The following MOB3B variants were observed in gnomAD, a reference collection of about 807,000 sequenced individuals.
MOB3B encodes MOB kinase activator-like 2B.
A neutral mutation model predicts 18.7 loss-of-function variants in MOB3B; 7 were observed. The ratio of observed to expected loss-of-function variants is 0.37; its 90% CI spans 0.21 to 0.70. MOB3B has a LOEUF of 0.70. MOB3B is among the 30% of genes least tolerant of loss of function. The probability of loss-of-function intolerance (pLI) is 0.52; values close to 1 mark genes in which losing one functional copy is unlikely to be tolerated. For missense variants in MOB3B, 253 were observed against 281.3 expected, an observed-to-expected ratio of 0.90 and a Z score of 0.72; for synonymous variants, 111 against 99.9, an observed-to-expected ratio of 1.11 and a Z score of -0.66.
chr9:27,458,575 G>A (rs2054411415), intron 1 of MOB3B, among the ~76,000 whole-genome samples: 2 of 128,842 alleles, frequency 1.6e-5, no homozygotes, highest in African/African-American at 5.6e-5. Flanking sequence ...CGAGGCTGCA[G>A]TGAGCCATGA....
intron 1 of MOB3B, among the ~76,000 whole-genome samples, chr9:27,511,803 A>G (rs1820150852): frequency 6.6e-6 from 1 of 151,204 alleles, no homozygotes; most frequent in African/African-American, 2.4e-5. Flanking sequence ...TGCCAGCCCA[A>G]CCCCCTGATC....
chr9:27,485,813 A>T (rs74664216), intron 1 of MOB3B, among the ~76,000 whole-genome samples: 99 of 152,370 alleles, frequency 6.5e-4, no homozygotes, highest in Middle Eastern at 3.4e-3. Context: ...TGGCAGAAAC[A>T]AAACACTATC....
At chr9:27,518,622 G>A (rs1170137408) in intron 1 of MOB3B, among the ~76,000 whole-genome samples, 1 of 151,962 alleles carries the variant, frequency 6.6e-6, no homozygotes, top group East Asian at 1.9e-4. Flanking sequence ...TTATTTCTGG[G>A]TGGGAAGTTA....
At chr9:27,331,761 C>T (rs187250579) in intron 3 of MOB3B, among the ~76,000 whole-genome samples, 44 of 152,316 alleles carry the variant, frequency 2.9e-4, no homozygotes, top group Admixed American at 2.4e-3. Flanking sequence ...GCAGAGCTGA[C>T]TGCAGCTACT....
intron 3 of MOB3B, among the ~76,000 whole-genome samples, chr9:27,336,301 G>C (rs1167633426): frequency 1.3e-5 from 2 of 151,162 alleles, no homozygotes; most frequent in African/African-American, 4.9e-5. Context: ...AAAGGAGTGA[G>C]TCTTTTTGTT....
At chr9:27,444,847 C>T (rs904795555) in intron 2 of MOB3B, among the ~76,000 whole-genome samples, 1 of 152,146 alleles carries the variant, frequency 6.6e-6, no homozygotes, top group Admixed American at 6.6e-5. Context: ...TAGCATATTG[C>T]TTGGCCCAGA....
intron 2 of MOB3B, among the ~76,000 whole-genome samples, chr9:27,435,097 C>T (rs967198214): frequency 2.0e-5 from 3 of 151,098 alleles, no homozygotes; most frequent in African/African-American, 7.3e-5. Flanking sequence ...CTCTCCCCAC[C>T]AGGGAGAAAG....
intron 1 of MOB3B, among the ~76,000 whole-genome samples, chr9:27,514,988 C>T (rs1024440334): frequency 6.6e-6 from 1 of 152,220 alleles, no homozygotes; most frequent in East Asian, 1.9e-4. Context: ...AACTCAGTAC[C>T]AAGAGAAGCT....
intron 1 of MOB3B, among the ~76,000 whole-genome samples, chr9:27,512,815 T>A (rs759243036): frequency 1.3e-5 from 2 of 152,246 alleles, no homozygotes; most frequent in African/African-American, 2.4e-5. Flanking sequence ...CCATTATGAT[T>A]TGACTGTAGT....
Position 27,343,478 on chromosome 9 carries a change from TAAAAAAAA to T in MOB3B, c.622-12870_622-12863del, listed in dbSNP as rs779124158. Among the ~76,000 whole-genome samples the T allele has an allele frequency of 8.3e-5, 7 of 84,318 alleles. No homozygotes were observed. In the East Asian group the frequency reaches 1.5e-3, roughly 18 times the overall value. The allele number at this position is 84,318 out of a possible 152,430, so 55.3% of individuals were successfully genotyped here. A position where few individuals can be genotyped will look rare whatever the true frequency, so the allele number is the denominator to read the frequency against. ...ACACCCAAGAATGCTCAATAAATAC[TAAAAAAAA>T]AAAAAAAAAAAAAAGAACTAAACCT... On this transcript the variant is annotated intron_variant, in intron 3 of 3. Coordinates refer to ENST00000262244, the MANE Select transcript of MOB3B (RefSeq NM_024761.5).
In MOB3B at chr9:27,427,530, G is replaced by A. The variant is rs576502062; in HGVS notation, c.418+27603C>T. On this transcript the variant is annotated intron_variant, in intron 2 of 3. Transcript: ENST00000262244. ...TCAGCCCAGGTAGTCATGCCTCTGG[G>A]ATAAGTAGGTACATAGAAGGCACTA... Among the ~76,000 whole-genome samples the A allele has an allele frequency of 8.1e-4, 124 of 152,312 alleles. 1 individual carries two copies. Among genetic ancestry groups the A allele is most frequent in the Middle Eastern group, 6.8e-3 (2 of 294 alleles).
intron 2 of MOB3B, among the ~76,000 whole-genome samples, chr9:27,370,247 G>A (rs1821396783): frequency 6.6e-6 from 1 of 152,060 alleles, no homozygotes; most frequent in Non-Finnish European, 1.5e-5. Flanking sequence ...GGTCGCTCAG[G>A]CCTGTAATCC....
At chr9:27,380,135 G>T (rs1178967194) in intron 2 of MOB3B, among the ~76,000 whole-genome samples, 1 of 152,122 alleles carries the variant, frequency 6.6e-6, no homozygotes, top group East Asian at 1.9e-4. Context: ...CCACCACGAG[G>T]TCTATGGGCC....
chr9:27,354,773 G>C (rs1469287188), intron 3 of MOB3B, among the ~76,000 whole-genome samples: 1 of 152,122 alleles, frequency 6.6e-6, no homozygotes, highest in African/African-American at 2.4e-5. Flanking sequence ...AATCCCATGG[G>C]AGTGACTGAT....
intron 1 of MOB3B, among the ~76,000 whole-genome samples, chr9:27,522,929 T>TATA (rs60042853): frequency 0.012 from 1,745 of 151,288 alleles, 40 homozygotes; most frequent in African/African-American, 0.04. Flanking sequence ...ATATATATAT[T>TATA]TTTTTCCGTA....
chr9:27,368,738 T>C (rs964821775), intron 2 of MOB3B, among the ~76,000 whole-genome samples: 1 of 152,178 alleles, frequency 6.6e-6, no homozygotes, highest in Non-Finnish European at 1.5e-5. Context: ...AACAGTGGTA[T>C]GTGATTATAT....
At chr9:27,481,451 G>T (rs560119966) in intron 1 of MOB3B, among the ~76,000 whole-genome samples, 10 of 151,860 alleles carry the variant, frequency 6.6e-5, no homozygotes, top group Middle Eastern at 6.8e-3. Flanking sequence ...AGAGTGTGGT[G>T]GCGCCTGGGG....
At chr9:27,373,404 T>C (rs1159816893) in intron 2 of MOB3B, among the ~76,000 whole-genome samples, 1 of 152,212 alleles carries the variant, frequency 6.6e-6, no homozygotes, top group Non-Finnish European at 1.5e-5. Flanking sequence ...TATTTATTTG[T>C]TTGCAGATGT....
chr9:27,343,792 A>T (rs1820992594), intron 3 of MOB3B, among the ~76,000 whole-genome samples: 1 of 151,118 alleles, frequency 6.6e-6, no homozygotes, highest in Non-Finnish European at 1.5e-5. Flanking sequence ...AAATTGTGGA[A>T]TGCATTGAAA....
Sources: allele counts gnomAD v4.1 joint callset (sites outside exome capture counted in the v4.1 genomes callset), GRCh38; gene constraint gnomAD v4.1.1; transcripts MANE v1.5; gene names NCBI Gene and HGNC (gene_info 2026-07-23, HGNC 2026-07-21).